CSMD1: variants seen among roughly 807,000 people sequenced by gnomAD.
CSMD1 encodes CUB and sushi domain-containing protein 1.
CSMD1 carries 213 observed loss-of-function variants against 417.5 expected under a neutral mutation model. That is an observed-to-expected ratio of 0.51 (90% CI 0.46 to 0.57). The LOEUF (loss-of-function observed/expected upper bound fraction) is 0.57, where lower values mean the gene tolerates loss of function less well. Among genes scored for constraint, CSMD1 ranks in the 20% least tolerant of loss-of-function variants. The pLI, the probability that CSMD1 is intolerant of heterozygous loss-of-function variation, is 0.00. For synonymous variants in CSMD1, 2,862 were observed against 1,736.8 expected, an observed-to-expected ratio of 1.65 and a Z score of -16.11; for missense variants, 6,923 against 4,529.7, an observed-to-expected ratio of 1.53 and a Z score of -15.17.
chr8:3,690,143 A>G (rs1215356575), intron 7 of CSMD1, among the ~76,000 whole-genome samples: 1 of 152,162 alleles, frequency 6.6e-6, no homozygotes, highest in African/African-American at 2.4e-5. Flanking sequence ...AGGATCACTT[A>G]AGCCCAGGAG....
At chr8:4,970,789 T>C (rs1052209215) in intron 1 of CSMD1, among the ~76,000 whole-genome samples, 6 of 152,132 alleles carry the variant, frequency 3.9e-5, no homozygotes, top group Non-Finnish European at 8.8e-5. Context: ...ATTTTCCAAC[T>C]ACAGAATCTC....
rs141581563 is a variant in CSMD1 at position 3,735,858 on chromosome 8, C to A, written c.931+18072G>T. On this transcript the variant is annotated intron_variant, in intron 6 of 69. Transcript: ENST00000635120. ...ATATGCATTGATTTCCTAATTTATG[C>A]CTAGAATTTTTCTAAATATATGACA... Among the ~76,000 whole-genome samples the A allele has an allele frequency of 7.4e-4, 113 of 152,176 alleles. No homozygotes were observed. In the East Asian group the frequency reaches 0.019, roughly 26 times the overall value.
intron 3 of CSMD1, among the ~76,000 whole-genome samples, chr8:4,336,251 G>C (rs1026800590): frequency 6.6e-6 from 1 of 152,140 alleles, no homozygotes; most frequent in Non-Finnish European, 1.5e-5. Flanking sequence ...TAAAGGTCTT[G>C]CTCGTCCAAA....
chr8:4,566,383 G>A (rs553064510), intron 2 of CSMD1, among the ~76,000 whole-genome samples: 1 of 152,112 alleles, frequency 6.6e-6, no homozygotes, highest in Non-Finnish European at 1.5e-5. Flanking sequence ...GCCGGGCGTG[G>A]TGGCTCATGC....
At chr8:4,541,813 T>C (rs1184802022) in intron 2 of CSMD1, among the ~76,000 whole-genome samples, 1 of 152,032 alleles carries the variant, frequency 6.6e-6, no homozygotes, top group African/African-American at 2.4e-5. Flanking sequence ...TAATAATAAG[T>C]GGAATTCTCA....
chr8:3,612,237 G>T (rs1801930953), intron 8 of CSMD1, among the ~76,000 whole-genome samples: 1 of 151,816 alleles, frequency 6.6e-6, no homozygotes, highest in African/African-American at 2.4e-5. Flanking sequence ...AAAAGGTATT[G>T]AAGAAACAAA....
chr8:4,642,349 C>G (rs1803245261), intron 1 of CSMD1, among the ~76,000 whole-genome samples: 1 of 152,198 alleles, frequency 6.6e-6, no homozygotes, highest in African/African-American at 2.4e-5. Flanking sequence ...GTGCCCTCAT[C>G]ATTTCTGAGA....
chr8:4,887,312 A>G (rs191029702), intron 1 of CSMD1, among the ~76,000 whole-genome samples: 58 of 152,198 alleles, frequency 3.8e-4, no homozygotes, highest in African/African-American at 1.1e-3. Context: ...TAACTCAATT[A>G]CAATGTGTTA....
At chr8:3,346,547 C>T (rs1479157605) in intron 22 of CSMD1, among the ~76,000 whole-genome samples, 2 of 152,138 alleles carry the variant, frequency 1.3e-5, no homozygotes, top group African/African-American at 2.4e-5. Flanking sequence ...AATGAAAGAA[C>T]AACTAGAATA....
chr8:3,454,020 G>T (rs951599238), intron 12 of CSMD1, among the ~76,000 whole-genome samples: 5 of 152,078 alleles, frequency 3.3e-5, no homozygotes, highest in African/African-American at 1.2e-4. Flanking sequence ...TATATATTTA[G>T]GATAGTTAGC....
At chr8:3,860,317 G>A (rs562274138) in intron 5 of CSMD1, among the ~76,000 whole-genome samples, 1 of 151,956 alleles carries the variant, frequency 6.6e-6, no homozygotes, top group Non-Finnish European at 1.5e-5. Context: ...AGATCTTTTA[G>A]AATTTCAACA....
chr8:4,086,168 T>C (rs947353803), intron 3 of CSMD1, among the ~76,000 whole-genome samples: 1 of 152,208 alleles, frequency 6.6e-6, no homozygotes, highest in African/African-American at 2.4e-5. Flanking sequence ...AAAGTGCATA[T>C]AAGTAATTTA....
chr8:4,092,396 C>T (rs1016177112), intron 3 of CSMD1, among the ~76,000 whole-genome samples: 1 of 152,096 alleles, frequency 6.6e-6, no homozygotes, highest in African/African-American at 2.4e-5. Context: ...CACCGTAAGG[C>T]AATGAACTTC....
intron 2 of CSMD1, among the ~76,000 whole-genome samples, chr8:4,592,601 G>T (rs759991044): frequency 6.6e-6 from 1 of 151,978 alleles, no homozygotes; most frequent in East Asian, 1.9e-4. Flanking sequence ...TGGCCAGGCT[G>T]GTCTCAAACT....
chr8:4,910,091 G>A (rs1374845755), intron 1 of CSMD1, among the ~76,000 whole-genome samples: 1 of 152,146 alleles, frequency 6.6e-6, no homozygotes, highest in Non-Finnish European at 1.5e-5. Flanking sequence ...ACTTTACTTA[G>A]GACTGAATCT....
chr8:3,623,488 G>A (rs1584977399), intron 7 of CSMD1, among the ~76,000 whole-genome samples: 1 of 152,172 alleles, frequency 6.6e-6, no homozygotes, highest in Non-Finnish European at 1.5e-5. Context: ...ATCTATATGA[G>A]TGAATAATCA....
At chr8:4,948,199 C>T (rs1380152251) in intron 1 of CSMD1, among the ~76,000 whole-genome samples, 8 of 151,994 alleles carry the variant, frequency 5.3e-5, no homozygotes, top group African/African-American at 1.7e-4. Context: ...TGCTACAGGT[C>T]ATAATATATA....
intron 3 of CSMD1, among the ~76,000 whole-genome samples, chr8:4,246,135 G>A (rs1201635558): frequency 6.6e-6 from 1 of 152,050 alleles, no homozygotes; most frequent in African/African-American, 2.4e-5. Context: ...CAGATATTAA[G>A]CCTAGTACCC....
In CSMD1 at chr8:3,851,538, G is replaced by A. The variant is rs181478725; in HGVS notation, c.819-97496C>T. ...TGTTTGATCAGGTGGTCCCTGAAAG[G>A]TGAGCCTCTGCACCTTGAGCAGCAA... On this transcript the variant is annotated intron_variant, in intron 5 of 69. Transcript: ENST00000635120. Among the ~76,000 whole-genome samples the A allele has an allele frequency of 2.0e-3, 307 of 152,294 alleles. 3 individuals are homozygous for A. Among genetic ancestry groups the A allele is most frequent in the Middle Eastern group, 6.8e-3 (2 of 294 alleles).
Sources: allele counts gnomAD v4.1 joint callset (sites outside exome capture counted in the v4.1 genomes callset), GRCh38; gene constraint gnomAD v4.1.1; transcripts MANE v1.5; gene names NCBI Gene and HGNC (gene_info 2026-07-23, HGNC 2026-07-21).